ROBO2: variants seen among roughly 807,000 people sequenced by gnomAD.
ROBO2 encodes the protein roundabout homolog 2.
Under a neutral mutation model 160.8 loss-of-function variants are expected in ROBO2, and 53 were observed. That is an observed-to-expected ratio of 0.33 (90% CI 0.26 to 0.41). ROBO2 has a LOEUF of 0.41. Among genes scored for constraint, ROBO2 ranks in the 10% least tolerant of loss-of-function variants. The pLI is 1.00. For synonymous variants in ROBO2, 664 were observed against 611.7 expected (o/e 1.09, Z -1.26); for missense variants, 1,577 against 1,722.4 (o/e 0.92, Z 1.49).
At chr3:76,566,337 A>C (rs1038710340) in intron 2 of ROBO2, among the ~76,000 whole-genome samples, 2 of 152,202 alleles carry the variant, frequency 1.3e-5, no homozygotes, top group African/African-American at 4.8e-5. Flanking sequence ...ACATGTAGAG[A>C]GGCAGATGGA....
At chr3:76,035,418 G>GTTTT (rs34342137) in intron 2 of ROBO2, among the ~76,000 whole-genome samples, 41,256 of 151,248 alleles carry the variant, frequency 0.27, 7,998 homozygotes, top group African/African-American at 0.55. Flanking sequence ...ATGATTCTCT[G>GTTTT]TTTGTTTGTT....
At chr3:75,926,277 A>G (rs1392539932) in intron 1 of ROBO2, among the ~76,000 whole-genome samples, 3 of 152,210 alleles carry the variant, frequency 2.0e-5, no homozygotes, top group African/African-American at 7.2e-5. Context: ...TCAGGGGTAC[A>G]AGTGCAGGTT....
intron 17 of ROBO2, among the ~76,000 whole-genome samples, chr3:77,593,622 T>C (rs1457228219): frequency 6.6e-6 from 1 of 152,168 alleles, no homozygotes; most frequent in African/African-American, 2.4e-5. Context: ...ATGAAGACCC[T>C]TGGAGTTTAG....
intron 2 of ROBO2, among the ~76,000 whole-genome samples, chr3:77,340,849 A>G (rs987519487): frequency 1.3e-5 from 2 of 152,122 alleles, no homozygotes; most frequent in Admixed American, 1.3e-4. Context: ...ATAATTAGCT[A>G]ACAATTTTCC....
intron 2 of ROBO2, among the ~76,000 whole-genome samples, chr3:76,371,599 A>G (rs946550075): frequency 1.3e-5 from 2 of 151,984 alleles, no homozygotes; most frequent in African/African-American, 4.8e-5. Flanking sequence ...GATTAGCTGC[A>G]TATCAAATGT....
At chr3:77,174,271 T>A (rs2079919034) in intron 2 of ROBO2, among the ~76,000 whole-genome samples, 2 of 152,038 alleles carry the variant, frequency 1.3e-5, no homozygotes, top group African/African-American at 4.8e-5. Flanking sequence ...ACATGTAATG[T>A]TGATTAACAT....
intron 2 of ROBO2, among the ~76,000 whole-genome samples, chr3:76,580,342 G>GTTTTTTTTTTTTTTTTTTTTTTTTTGT (rs71101901): frequency 7.7e-5 from 7 of 90,562 alleles, no homozygotes; most frequent in African/African-American, 1.7e-4. Context: ...TTTTTTTTGT[G>GTTTTTTTTTTTTTTTTTTTTTTTTTGT]TTTTTTTTTT....
chr3:76,994,090 G>A (rs920516572), intron 2 of ROBO2, among the ~76,000 whole-genome samples: 6 of 98,978 alleles, frequency 6.1e-5, no homozygotes, highest in Non-Finnish European at 1.2e-4. Context: ...TGCTTTTTTT[G>A]TTTTTTTTTT....
intron 2 of ROBO2, among the ~76,000 whole-genome samples, chr3:76,565,604 A>G (rs977411436): frequency 6.6e-6 from 1 of 152,198 alleles, no homozygotes; most frequent in Non-Finnish European, 1.5e-5. Flanking sequence ...ATTTTCATGT[A>G]TTGTAAACTG....
chr3:76,640,559 A>AAATAAATT (rs2090609974), intron 2 of ROBO2, among the ~76,000 whole-genome samples: 1 of 136,318 alleles, frequency 7.3e-6, no homozygotes, highest in African/African-American at 2.6e-5. Flanking sequence ...ATAAATAAAT[A>AAATAAATT]AATAAATAAA....
At chr3:76,598,471 C>T (rs1375386034) in intron 2 of ROBO2, among the ~76,000 whole-genome samples, 1 of 151,960 alleles carries the variant, frequency 6.6e-6, no homozygotes, top group Non-Finnish European at 1.5e-5. Context: ...AATGGGAAAT[C>T]CTAATTAGAT....
chr3:77,281,391 G>GTGTT (rs2060229682), intron 2 of ROBO2, among the ~76,000 whole-genome samples: 1 of 152,008 alleles, frequency 6.6e-6, no homozygotes, highest in African/African-American at 2.4e-5. Flanking sequence ...TTTCTAGACA[G>GTGTT]TGTTAGTGCA....
intron 2 of ROBO2, among the ~76,000 whole-genome samples, chr3:76,617,972 CAAGAT>C (rs1560243056): frequency 6.6e-6 from 1 of 151,578 alleles, no homozygotes; most frequent in Non-Finnish European, 1.5e-5. Context: ...AACTACAATT[CAAGAT>C]AAGATTTGGG....
chr3:76,158,591 G>A (rs2072501278), intron 2 of ROBO2, among the ~76,000 whole-genome samples: 2 of 152,108 alleles, frequency 1.3e-5, no homozygotes, highest in Admixed American at 1.3e-4. Flanking sequence ...AACAATGAAT[G>A]GGGTGGGGTT....
At chr3:76,050,453 C>T (rs891457325) in intron 2 of ROBO2, among the ~76,000 whole-genome samples, 15 of 152,058 alleles carry the variant, frequency 9.9e-5, no homozygotes, top group African/African-American at 9.7e-5. Flanking sequence ...TTGCAGATGG[C>T]GTATTGGGGG....
chr3:76,293,054 T>A (rs1213323023), intron 2 of ROBO2, among the ~76,000 whole-genome samples: 1 of 152,132 alleles, frequency 6.6e-6, no homozygotes, highest in Non-Finnish European at 1.5e-5. Flanking sequence ...AAGTTTTTGC[T>A]TTTATATTTT....
At chr3:77,189,794 T>C (rs2081647417) in intron 2 of ROBO2, among the ~76,000 whole-genome samples, 1 of 151,944 alleles carries the variant, frequency 6.6e-6, no homozygotes, top group Admixed American at 6.6e-5. Flanking sequence ...ATTGAATGCT[T>C]TCTATATGCC....
At chr3:76,276,131 A>G (rs1559710741) in intron 2 of ROBO2, among the ~76,000 whole-genome samples, 2 of 152,078 alleles carry the variant, frequency 1.3e-5, no homozygotes, top group Non-Finnish European at 2.9e-5. Context: ...TAAAGTACTT[A>G]AAGCAATTTG....
chr3:75,913,672 G>A (rs1559746854), intron 1 of ROBO2, among the ~76,000 whole-genome samples: 2 of 152,174 alleles, frequency 1.3e-5, no homozygotes, highest in South Asian at 4.1e-4. Flanking sequence ...ATTTATCAAG[G>A]CCAACTCCTG....
Sources: allele counts gnomAD v4.1 joint callset (sites outside exome capture counted in the v4.1 genomes callset), GRCh38; gene constraint gnomAD v4.1.1; transcripts MANE v1.5; gene names NCBI Gene and HGNC (gene_info 2026-07-23, HGNC 2026-07-21).